Variants in ERBB4 observed in about 807,000 individuals in gnomAD.
ERBB4 encodes receptor tyrosine-protein kinase erbB-4.
A neutral mutation model predicts 158.0 loss-of-function variants in ERBB4; 42 were observed. That is an observed-to-expected ratio of 0.27 (90% CI 0.21 to 0.34). The LOEUF (loss-of-function observed/expected upper bound fraction) is 0.34, where lower values mean the gene tolerates loss of function less well. Ranked by LOEUF, ERBB4 falls within the 10% of genes least tolerant of loss-of-function variation. The pLI, the probability that ERBB4 is intolerant of heterozygous loss-of-function variation, is 1.00. For missense variants in ERBB4, 1,333 were observed against 1,624.1 expected, an observed-to-expected ratio of 0.82 and a Z score of 3.08; for synonymous variants, 583 against 558.7, an observed-to-expected ratio of 1.04 and a Z score of -0.61.
At chr2:212,321,347 T>G (rs2087560154) in intron 1 of ERBB4, among the ~76,000 whole-genome samples, 1 of 150,478 alleles carries the variant, frequency 6.6e-6, no homozygotes, top group South Asian at 2.1e-4. Context: ...TTTGTAGAAG[T>G]TGACAAGAGC....
intron 25 of ERBB4, among the ~76,000 whole-genome samples, chr2:211,403,626 C>G (rs1168662361): frequency 6.6e-6 from 1 of 152,100 alleles, no homozygotes; most frequent in Non-Finnish European, 1.5e-5. Context: ...GCTGCTTTAA[C>G]TACCATATAG....
At chr2:211,456,316 A>G (rs954747874) in intron 20 of ERBB4, among the ~76,000 whole-genome samples, 2 of 152,218 alleles carry the variant, frequency 1.3e-5, no homozygotes, top group Admixed American at 6.5e-5. Context: ...AGGACAAACA[A>G]TGTAAGGATA....
At chr2:212,504,500 GAAAA>G (rs540608463) in intron 1 of ERBB4, among the ~76,000 whole-genome samples, 10 of 147,052 alleles carry the variant, frequency 6.8e-5, no homozygotes, top group Non-Finnish European at 1.4e-4. Context: ...TAGAGAAATA[GAAAA>G]AAAAAATTTT....
chr2:212,079,761 C>T (rs2078381131), intron 2 of ERBB4, among the ~76,000 whole-genome samples: 1 of 152,068 alleles, frequency 6.6e-6, no homozygotes, highest in Non-Finnish European at 1.5e-5. Context: ...AACAGGCATA[C>T]ACACATGAAC....
chr2:211,625,231 A>G (rs1392445086), intron 17 of ERBB4, among the ~76,000 whole-genome samples: 1 of 152,216 alleles, frequency 6.6e-6, no homozygotes, highest in African/African-American at 2.4e-5. Context: ...TAAACTTTAC[A>G]AATAGTCTCT....
At chr2:212,400,550 C>G (rs1229916120) in intron 1 of ERBB4, among the ~76,000 whole-genome samples, 1 of 152,028 alleles carries the variant, frequency 6.6e-6, no homozygotes, top group African/African-American at 2.4e-5. Flanking sequence ...ATATAGTTCC[C>G]TTTTAGTCAG....
intron 1 of ERBB4, among the ~76,000 whole-genome samples, chr2:212,214,917 T>A (rs1290915830): frequency 6.6e-6 from 1 of 151,530 alleles, no homozygotes; most frequent in Non-Finnish European, 1.5e-5. Flanking sequence ...ATACGACACA[T>A]CAAGGAAAAT....
chr2:212,186,360 G>C (rs561669132), intron 1 of ERBB4, among the ~76,000 whole-genome samples: 1 of 152,280 alleles, frequency 6.6e-6, no homozygotes, highest in South Asian at 2.1e-4. Flanking sequence ...AAGAGTGTCT[G>C]ATAATCTGTC....
At chr2:212,399,734 G>C (rs1430971757) in intron 1 of ERBB4, among the ~76,000 whole-genome samples, 2 of 127,592 alleles carry the variant, frequency 1.6e-5, no homozygotes, top group African/African-American at 2.8e-5. Flanking sequence ...AAATTAGCCT[G>C]CTGGCATGGT....
chr2:211,731,488 G>T (rs2106153044), intron 5 of ERBB4, among the ~76,000 whole-genome samples: 1 of 152,234 alleles, frequency 6.6e-6, no homozygotes, highest in African/African-American at 2.4e-5. Context: ...ATGTGAGGAA[G>T]AATTACTGAC....
chr2:211,646,484 G>C (rs1176463816), intron 16 of ERBB4, among the ~76,000 whole-genome samples: 1 of 151,442 alleles, frequency 6.6e-6, no homozygotes, highest in Non-Finnish European at 1.5e-5. Flanking sequence ...AGTTACATAA[G>C]TACATTCAGA....
rs149518752 is a variant in ERBB4 at position 212,288,871 on chromosome 2, A to G, written c.83-163968T>C. Among the ~76,000 whole-genome samples, 823 of 152,106 alleles carry G rather than the reference A, an allele frequency of 5.4e-3. 6 individuals carry two copies. Among genetic ancestry groups the G allele is most frequent in the African/African-American group, 0.018 (747 of 41,498 alleles). ...TTCCAATTTGTATCTCATTTAATCT[A>G]TTGTGCTATCAAATGCAAGGACATT... On this transcript the variant is annotated intron_variant, in intron 1 of 27. Transcript: ENST00000342788.
chr2:211,594,974 T>C (rs1292369232), intron 19 of ERBB4, among the ~76,000 whole-genome samples: 1 of 152,224 alleles, frequency 6.6e-6, no homozygotes, highest in Non-Finnish European at 1.5e-5. Context: ...ATGAATTTAT[T>C]GTCAATCAAA....
intron 19 of ERBB4, among the ~76,000 whole-genome samples, chr2:211,616,639 GC>G (rs1005436821): frequency 6.6e-6 from 1 of 152,082 alleles, no homozygotes; most frequent in Non-Finnish European, 1.5e-5. Context: ...AATTAGAGCA[GC>G]CTGCATTAGA....
At chr2:212,424,432 A>G (rs1040055944) in intron 1 of ERBB4, among the ~76,000 whole-genome samples, 18 of 152,242 alleles carry the variant, frequency 1.2e-4, no homozygotes, top group Admixed American at 1.1e-3. Flanking sequence ...CATATATCCA[A>G]AAGAAACAGG....
chr2:211,809,599 G>T (rs1033008070), intron 3 of ERBB4, among the ~76,000 whole-genome samples: 5 of 151,922 alleles, frequency 3.3e-5, no homozygotes, highest in Admixed American at 3.3e-4. Flanking sequence ...TATTAGTCTT[G>T]CTAGCAGTCT....
chr2:211,903,267 T>C (rs1356946003), intron 3 of ERBB4, among the ~76,000 whole-genome samples: 9 of 152,072 alleles, frequency 5.9e-5, no homozygotes, highest in Admixed American at 4.6e-4. Context: ...ACTTTGTATT[T>C]ACATCTTAAT....
intron 2 of ERBB4, among the ~76,000 whole-genome samples, chr2:212,013,935 C>T (rs2076450133): frequency 1.3e-5 from 2 of 152,228 alleles, no homozygotes; most frequent in Admixed American, 1.3e-4. Flanking sequence ...CCCAGTTTGT[C>T]ATACGTCATT....
chr2:212,453,869 T>C (rs1505369), intron 1 of ERBB4, among the ~76,000 whole-genome samples: 66,243 of 151,836 alleles, frequency 0.44, 15,052 homozygotes, highest in African/African-American at 0.54. Flanking sequence ...TATTTTCTCT[T>C]TTCTTTCCAG....
Sources: allele counts gnomAD v4.1 joint callset (sites outside exome capture counted in the v4.1 genomes callset), GRCh38; gene constraint gnomAD v4.1.1; transcripts MANE v1.5; gene names NCBI Gene and HGNC (gene_info 2026-07-23, HGNC 2026-07-21).